KCNS3: variants seen among roughly 807,000 people sequenced by gnomAD.
The protein encoded by KCNS3 is potassium voltage-gated channel modifier subfamily S member 3.
In KCNS3, 13 loss-of-function variants were observed where a neutral mutation model predicts 31.0. That is an observed-to-expected ratio of 0.42 (90% CI 0.27 to 0.67). The LOEUF (loss-of-function observed/expected upper bound fraction) is 0.67, where lower values mean the gene tolerates loss of function less well. Among genes scored for constraint, KCNS3 ranks in the 30% least tolerant of loss-of-function variants. KCNS3 has a pLI of 0.25. For missense variants in KCNS3, 545 were observed against 622.4 expected (o/e 0.88, Z 1.32); for synonymous variants, 238 against 241.5 (o/e 0.99, Z 0.13).
intron 1 of KCNS3, among the ~76,000 whole-genome samples, chr2:17,903,935 T>C (rs1317588707): frequency 6.6e-6 from 1 of 152,200 alleles, no homozygotes; most frequent in African/African-American, 2.4e-5. Flanking sequence ...CATGTGCCTT[T>C]ATAGCAGCAT....
intron 1 of KCNS3, among the ~76,000 whole-genome samples, chr2:17,911,342 T>G (rs7587588): frequency 0.92 from 139,262 of 152,000 alleles, 63,980 homozygotes; most frequent in East Asian, 0.99. Flanking sequence ...ATGAATAGCA[T>G]TAGCTCAGGA....
chr2:17,908,491 C>A (rs761461186), intron 1 of KCNS3, among the ~76,000 whole-genome samples: 2 of 152,218 alleles, frequency 1.3e-5, no homozygotes, highest in Non-Finnish European at 2.9e-5. Context: ...AGCTTTGTTC[C>A]GTTGCTGGCG....
chr2:17,912,562 G>A (rs912973453), intron 1 of KCNS3, among the ~76,000 whole-genome samples: 1 of 152,198 alleles, frequency 6.6e-6, no homozygotes, highest in South Asian at 2.1e-4. Flanking sequence ...GCAGGGAAGC[G>A]CCTGGTCTGC....
intron 2 of KCNS3, among the ~76,000 whole-genome samples, chr2:17,919,862 G>A (rs906949884): frequency 6.6e-6 from 1 of 152,194 alleles, no homozygotes; most frequent in Admixed American, 6.5e-5. Flanking sequence ...GCCATGCTCA[G>A]ACAATGCTGT....
At position 17,908,958 on chromosome 2, in the gene KCNS3, A is replaced by G. The variant is rs538630266; in HGVS notation, c.-251-8722A>G. 4.4e-3 allele frequency among the ~76,000 whole-genome samples: 665 copies of G among 152,294 alleles called. 4 individuals carry two copies. Among genetic ancestry groups the G allele is most frequent in the Non-Finnish European group, 6.3e-3 (430 of 68,026 alleles). On this transcript the variant is annotated intron_variant, in intron 1 of 2. Coordinates refer to ENST00000304101, the MANE Select transcript of KCNS3 (RefSeq NM_002252.5). ...TCCATTCTCAGATCTCAAACTCTGTACTGGGAGAACCACTACTCCCTTCAA... is the reference window on the plus strand; with the variant it reads ...TCCATTCTCAGATCTCAAACTCTGTGCTGGGAGAACCACTACTCCCTTCAA...
At chr2:17,896,687 C>CA in intron 1 of KCNS3, among the ~76,000 whole-genome samples, 1 of 150,568 alleles carries the variant, frequency 6.6e-6, no homozygotes, top group African/African-American at 2.4e-5. Context: ...TGAAGATCTC[C>CA]CAAGAGGTTC....
intron 1 of KCNS3, among the ~76,000 whole-genome samples, chr2:17,885,542 G>C (rs965695356): frequency 6.6e-6 from 1 of 152,122 alleles, no homozygotes; most frequent in Non-Finnish European, 1.5e-5. Context: ...ACCCAGGAGA[G>C]CCAACACTCC....
chr2:17,893,181 G>A (rs1661899873), intron 1 of KCNS3, among the ~76,000 whole-genome samples: 1 of 152,128 alleles, frequency 6.6e-6, no homozygotes, highest in South Asian at 2.1e-4. Flanking sequence ...GAGTCATGCA[G>A]GTTTTCAGTT....
intron 2 of KCNS3, among the ~76,000 whole-genome samples, chr2:17,919,252 T>C (rs1190496999): frequency 6.6e-6 from 1 of 152,030 alleles, no homozygotes; most frequent in Non-Finnish European, 1.5e-5. Context: ...ATTGTACTAG[T>C]TGGTGGGAGT....
chr2:17,886,496 G>A (rs1238932565), intron 1 of KCNS3, among the ~76,000 whole-genome samples: 2 of 152,048 alleles, frequency 1.3e-5, no homozygotes, highest in Non-Finnish European at 2.9e-5. Flanking sequence ...TGGTACCTTC[G>A]TGAGGCCACT....
chr2:17,922,409 G>C (rs1662740051), intron 2 of KCNS3, among the ~76,000 whole-genome samples: 1 of 152,000 alleles, frequency 6.6e-6, no homozygotes, highest in Non-Finnish European at 1.5e-5. Flanking sequence ...GAGTCTCACT[G>C]TGTTGTCAAG....
Position 17,902,883 on chromosome 2 carries a change from A to G in KCNS3, c.-251-14797A>G, listed in dbSNP as rs140997177. 3.9e-3 allele frequency among the ~76,000 whole-genome samples: 586 copies of G among 152,194 alleles called. 2 individuals are homozygous for G. The highest frequency in any genetic ancestry group is 5.4e-3 in the Non-Finnish European group (366 of 68,006). ...TTTATGCCACATCCCCAATTTTTCC[A>G]TGTACTTTTTGGTATTTGTTTTATG... On this transcript the variant is annotated intron_variant, in intron 1 of 2. Coordinates refer to ENST00000304101, the MANE Select transcript of KCNS3 (RefSeq NM_002252.5).
At chr2:17,928,204 T>A (rs1039749639) in intron 2 of KCNS3, among the ~76,000 whole-genome samples, 2 of 152,206 alleles carry the variant, frequency 1.3e-5, no homozygotes, top group African/African-American at 2.4e-5. Flanking sequence ...AGGTCAATAG[T>A]GGTATTGTTC....
chr2:17,887,662 T>C (rs10197393), intron 1 of KCNS3, among the ~76,000 whole-genome samples: 93,983 of 151,462 alleles, frequency 0.62, 29,755 homozygotes, highest in East Asian at 0.96. Context: ...TTTTGAATAA[T>C]GACTTCTTTT....
intron 1 of KCNS3, among the ~76,000 whole-genome samples, chr2:17,883,855 C>G (rs1247727273): frequency 6.6e-6 from 1 of 151,924 alleles, no homozygotes; most frequent in Non-Finnish European, 1.5e-5. Flanking sequence ...TGGAAACAAC[C>G]CAAATGTCCA....
chr2:17,918,789 C>T (rs376690157), intron 2 of KCNS3, among the ~76,000 whole-genome samples: 2 of 152,196 alleles, frequency 1.3e-5, no homozygotes, highest in African/African-American at 4.8e-5. Context: ...CATCATAATG[C>T]CTTGTGATAT....
At chr2:17,930,043 T>G (rs911952064) in intron 2 of KCNS3, among the ~76,000 whole-genome samples, 9 of 152,184 alleles carry the variant, frequency 5.9e-5, no homozygotes, top group Non-Finnish European at 5.9e-5. Flanking sequence ...GCTGTTATTT[T>G]CTCTCTGAGA....
At chr2:17,878,114 A>G (rs4832509), upstream of KCNS3, 134,003 of 152,322 alleles carry the variant, frequency 0.88, 58,993 homozygotes, top group East Asian at 0.98. Flanking sequence ...AGCGGGACCG[A>G]TGGCAAACAT....
At chr2:17,919,077 A>G (rs563832328) in intron 2 of KCNS3, among the ~76,000 whole-genome samples, 6 of 152,368 alleles carry the variant, frequency 3.9e-5, no homozygotes, top group African/African-American at 1.4e-4. Context: ...TGCTTTTTAC[A>G]AAGAGGACAG....
Sources: allele counts gnomAD v4.1 joint callset (sites outside exome capture counted in the v4.1 genomes callset), GRCh38; gene constraint gnomAD v4.1.1; transcripts MANE v1.5; gene names NCBI Gene and HGNC (gene_info 2026-07-23, HGNC 2026-07-21).